GRIP1: variants seen among roughly 807,000 people sequenced by gnomAD.
GRIP1 encodes the protein glutamate receptor-interacting protein 1.
Under a neutral mutation model 129.9 loss-of-function variants are expected in GRIP1, and 45 were observed. That is an observed-to-expected ratio of 0.35 (90% confidence interval 0.27 to 0.44). GRIP1 has a LOEUF of 0.44. Ranked by LOEUF, GRIP1 falls within the 20% of genes least tolerant of loss-of-function variation. GRIP1 has a pLI of 1.00. For missense variants in GRIP1, 1,196 were observed against 1,396.8 expected (o/e 0.86, Z 2.29); for synonymous variants, 530 against 520.8 (o/e 1.02, Z -0.24).
chr12:66,365,095 G>A (rs1048046544), intron 23 of GRIP1, among the ~76,000 whole-genome samples: 1 of 152,140 alleles, frequency 6.6e-6, no homozygotes, highest in Non-Finnish European at 1.5e-5. Flanking sequence ...CTCCATAGAT[G>A]TATATAATTA....
At chr12:66,401,558 G>A (rs1361505066) in intron 16 of GRIP1, among the ~76,000 whole-genome samples, 5 of 143,932 alleles carry the variant, frequency 3.5e-5, no homozygotes, top group South Asian at 2.2e-4. Context: ...CAGCCTGGGC[G>A]ACAAGAGCAA....
At chr12:66,393,170 T>TA (rs2056657530) in intron 17 of GRIP1, among the ~76,000 whole-genome samples, 1 of 4,452 alleles carries the variant, frequency 2.2e-4, no homozygotes. Context: ...TTTCTACAGA[T>TA]TTTTTTTTTT....
In GRIP1 at chr12:66,715,471, T is replaced by TGTGTGA. The variant is rs761155485; in HGVS notation, c.-419-85136_-419-85135insTCACAC. On this transcript the variant is annotated intron_variant, in intron 1 of 4. Coordinates refer to the GRIP1 transcript ENST00000538373. ...AGCTTGATGTGTGTGTGTGTGTGTG[T>TGTGTGA]GAGAGAGAGAGAGAGAGAGAGAGAG... Among the ~76,000 whole-genome samples, 1,068 of 110,102 alleles carry TGTGTGA rather than the reference T, an allele frequency of 9.7e-3. 28 individuals are homozygous for TGTGTGA. Among genetic ancestry groups the TGTGTGA allele is most frequent in the African/African-American group, 0.034 (1,009 of 29,540 alleles). The allele number at this position is 110,102 out of a possible 152,430, so 72.2% of individuals were successfully genotyped here.
At chr12:66,999,128 A>G (rs1323006430) in intron 1 of GRIP1, among the ~76,000 whole-genome samples, 1 of 152,198 alleles carries the variant, frequency 6.6e-6, no homozygotes, top group Non-Finnish European at 1.5e-5. Context: ...TCCAAGACTG[A>G]GGAGATCTGG....
At chr12:67,026,491 G>T (rs1250899092) in intron 1 of GRIP1, among the ~76,000 whole-genome samples, 1 of 152,200 alleles carries the variant, frequency 6.6e-6, no homozygotes, top group East Asian at 1.9e-4. Context: ...TAAGGATTGA[G>T]TTAAAACACG....
intron 7 of GRIP1, among the ~76,000 whole-genome samples, chr12:66,487,372 C>A (rs1003802304): frequency 6.6e-6 from 1 of 152,140 alleles, no homozygotes; most frequent in Non-Finnish European, 1.5e-5. Flanking sequence ...TCATATCTGG[C>A]CAAACTAGGC....
intron 20 of GRIP1, among the ~76,000 whole-genome samples, chr12:66,378,850 C>T (rs543634277): frequency 7.9e-5 from 12 of 151,754 alleles, no homozygotes; most frequent in Admixed American, 3.9e-4. Context: ...AGGAGGCTGA[C>T]GCATGTGAAT....
At chr12:67,017,153 G>A (rs1213517505) in intron 1 of GRIP1, among the ~76,000 whole-genome samples, 1 of 152,248 alleles carries the variant, frequency 6.6e-6, no homozygotes, top group East Asian at 1.9e-4. Flanking sequence ...AAAATACTAG[G>A]AAGAATAAAA....
intron 2 of GRIP1, among the ~76,000 whole-genome samples, chr12:66,578,710 C>A (rs965402644): frequency 2.0e-5 from 3 of 151,692 alleles, no homozygotes; most frequent in Non-Finnish European, 4.4e-5. Flanking sequence ...GGGGGAGGGG[C>A]GCCCACGATT....
chr12:66,749,407 G>A (rs1281475504), intron 1 of GRIP1, among the ~76,000 whole-genome samples: 1 of 152,144 alleles, frequency 6.6e-6, no homozygotes, highest in Non-Finnish European at 1.5e-5. Context: ...CCTTTTCTCA[G>A]CTGTGTACCA....
intron 2 of GRIP1, among the ~76,000 whole-genome samples, chr12:66,542,302 G>A (rs1037126406): frequency 6.6e-6 from 1 of 152,122 alleles, no homozygotes; most frequent in African/African-American, 2.4e-5. Context: ...AAATTGTAAA[G>A]TACAGAATTA....
Position 67,058,562 on chromosome 12 carries a change from C to T in GRIP1, c.58+10488G>A, listed in dbSNP as rs186407406. Among the ~76,000 whole-genome samples the T allele has an allele frequency of 7.2e-5, 11 of 152,278 alleles. No homozygotes were observed. The East Asian group carries it at 1.2e-3, about 16-fold the overall frequency. ...CTACTGACTATGAGAAGAAATATGT[C>T]GGTTCTTGTGTTCATACGTTTGCCG... On this transcript the variant is annotated intron_variant, in intron 1 of 1. Transcript: ENST00000643019.
chr12:66,813,172 A>AG (rs2039136508), intron 1 of GRIP1, among the ~76,000 whole-genome samples: 1 of 152,330 alleles, frequency 6.6e-6, no homozygotes, highest in African/African-American at 2.4e-5. Context: ...TGAAGGCCTC[A>AG]GGGAGCTTAT....
intron 2 of GRIP1, among the ~76,000 whole-genome samples, chr12:66,573,786 C>A (rs930537637): frequency 1.3e-5 from 2 of 152,172 alleles, no homozygotes; most frequent in Admixed American, 1.3e-4. Context: ...GCTGGACACA[C>A]ATGTACAGGG....
intron 1 of GRIP1, among the ~76,000 whole-genome samples, chr12:66,993,465 C>A (rs1156466136): frequency 1.3e-5 from 2 of 150,738 alleles, no homozygotes; most frequent in Non-Finnish European, 3.0e-5. Context: ...CTACATTGAC[C>A]AAGAAAAAAA....
upstream of GRIP1, among the ~76,000 whole-genome samples, chr12:66,683,488 ATTT>A (rs1326448370): frequency 1.3e-5 from 2 of 152,200 alleles, no homozygotes; most frequent in African/African-American, 4.8e-5. Flanking sequence ...TTTATCAGGC[ATTT>A]TTTAAAGCAA....
chr12:66,835,670 A>G (rs1170400594), intron 1 of GRIP1, among the ~76,000 whole-genome samples: 1 of 152,246 alleles, frequency 6.6e-6, no homozygotes, highest in Non-Finnish European at 1.5e-5. Flanking sequence ...TGCATACCAT[A>G]TGATTCAAAC....
intron 1 of GRIP1, among the ~76,000 whole-genome samples, chr12:66,959,859 TACACAAAA>T (rs557284472): frequency 1.1e-3 from 161 of 152,258 alleles, no homozygotes; most frequent in African/African-American, 3.2e-3. Flanking sequence ...TAAGCATGCA[TACACAAAA>T]ATATGAAACC....
At chr12:66,426,930 C>T (rs1287116783) in intron 14 of GRIP1, among the ~76,000 whole-genome samples, 1 of 152,192 alleles carries the variant, frequency 6.6e-6, no homozygotes, top group Non-Finnish European at 1.5e-5. Context: ...GCTGTGTGCT[C>T]TCAGTCCAAA....
Sources: allele counts gnomAD v4.1 joint callset (sites outside exome capture counted in the v4.1 genomes callset), GRCh38; gene constraint gnomAD v4.1.1; transcripts MANE v1.5; gene names NCBI Gene and HGNC (gene_info 2026-07-23, HGNC 2026-07-21).